Variants in MYBBP1A observed in about 807,000 individuals in gnomAD.
The protein encoded by MYBBP1A is myb-binding protein 1A.
In MYBBP1A, 147 loss-of-function variants were observed where a neutral mutation model predicts 136.3. The ratio of observed to expected loss-of-function variants is 1.08; its 90% CI spans 0.94 to 1.24. The LOEUF (loss-of-function observed/expected upper bound fraction) is 1.24, where lower values mean the gene tolerates loss of function less well. Among genes scored for constraint, MYBBP1A ranks in the 50% most tolerant of loss-of-function variants. The pLI is 0.00. For synonymous variants in MYBBP1A, 947 were observed against 735.8 expected, an observed-to-expected ratio of 1.29 and a Z score of -4.65; for missense variants, 2,060 against 1,727.4, an observed-to-expected ratio of 1.19 and a Z score of -3.41.
intron 17 of MYBBP1A, 30 bp downstream of exon 17, chr17:4,544,996 G>GCCCCCCCCCCCACCCCCCCC: frequency 1.4e-6 from 1 of 697,892 alleles, no homozygotes; most frequent in Non-Finnish European, 2.0e-6. Flanking sequence ...GCCCTCCCCG[G>GCCCCCCCCCCCACCCCCCCC]CCGCCCCCCC....
intron 25 of MYBBP1A, 81 bp downstream of exon 25, chr17:4,540,267 G>C (rs890475507): frequency 1.5e-5 from 22 of 1,486,494 alleles, no homozygotes; most frequent in Admixed American, 4.1e-5. Context: ...AGCAGCGTGT[G>C]TGCAGCGTGT....
In MYBBP1A at chr17:4,548,435, CGTT is replaced by C; in HGVS notation, c.1556+86_1556+88del. 6.2e-7 allele frequency: 1 copy of C among 1,608,240 alleles called. No individual in the cohort carries two copies. The highest frequency in any genetic ancestry group is 1.1e-5 in the South Asian group (1 of 90,828). Reference sequence around the variant, plus strand: ...CTACTAGAACTCCGGGGGCCTCTGCCGTTGTTCCCAGCTTAGGGGACCTGGAGG... The same window carrying C: ...CTACTAGAACTCCGGGGGCCTCTGCCGTTCCCAGCTTAGGGGACCTGGAGG... On this transcript the variant is annotated intron_variant, in intron 11 of 25. Transcript: ENST00000254718. This position sits in a 1 kb window ranked among gnomAD's most constrained non-coding sequence, Gnocchi z 4.2.
At chr17:4,553,482 G>A (rs1225628353) in intron 5 of MYBBP1A, among the ~76,000 whole-genome samples, 3 of 152,228 alleles carry the variant, frequency 2.0e-5, no homozygotes, top group Admixed American at 2.0e-4. Context: ...CTGAAAGGTG[G>A]CTAATCTGAA....
intron 5 of MYBBP1A, 24 bp downstream of exon 5, chr17:4,553,786 C>G (rs749940930): frequency 5.7e-6 from 9 of 1,592,278 alleles, no homozygotes; most frequent in Non-Finnish European, 7.8e-6. Flanking sequence ...GTTGCCTGGG[C>G]CCGCACAGCT....
chr17:4,546,347 G>A (rs1907012716), intron 13 of MYBBP1A, among the ~76,000 whole-genome samples: 1 of 152,164 alleles, frequency 6.6e-6, no homozygotes, highest in Non-Finnish European at 1.5e-5. Context: ...TTGAACTCCT[G>A]ACCTCGTGAT....
chr17:4,540,338 C>A lies in MYBBP1A; in HGVS notation c.3434+10G>T. The A allele has an allele frequency of 6.2e-7, 1 of 1,600,204 alleles. No homozygotes were observed. Among genetic ancestry groups the A allele is most frequent in the South Asian group, 1.1e-5 (1 of 90,348 alleles). ...CTACCCAAGGTGTGTGTCCCCCTCCCAGAACCTACTGGACTCCCAGGGTTT... is the reference window on the plus strand; with the variant it reads ...CTACCCAAGGTGTGTGTCCCCCTCCAAGAACCTACTGGACTCCCAGGGTTT... On this transcript the variant is annotated intron_variant, in intron 25 of 25. Coordinates refer to ENST00000254718, the MANE Select transcript of MYBBP1A (RefSeq NM_014520.4).
At chr17:4,551,174 A>T (rs564114872) in intron 8 of MYBBP1A, among the ~76,000 whole-genome samples, 2 of 152,254 alleles carry the variant, frequency 1.3e-5, no homozygotes, top group East Asian at 3.9e-4. Context: ...TGATACTTCA[A>T]GTCTCCCCCT....
Position 4,548,206 on chromosome 17 carries a change from T to A in MYBBP1A, c.1661A>T (p.Asn554Ile). Reference sequence around the variant, plus strand: ...CACGGTGGTCACGTTGTGGCTGTGATTCAACAGGAGGTCTGCGAACTGCAC... The same window carrying A: ...CACGGTGGTCACGTTGTGGCTGTGAATCAACAGGAGGTCTGCGAACTGCAC... ...HLVQFADLLLNHSHNVTTVTP... is the reference protein window; with the variant it reads ...HLVQFADLLLIHSHNVTTVTP... The change falls in exon 12 of 26, where the codon AAT becomes ATT. Residue 554 changes from asparagine to isoleucine, a missense_variant. Coordinates refer to ENST00000254718, the MANE Select transcript of MYBBP1A (RefSeq NM_014520.4). This position sits in a 1 kb window ranked among gnomAD's most constrained non-coding sequence, Gnocchi z 4.2. The A allele has an allele frequency of 1.2e-6, 2 of 1,608,664 alleles. No homozygotes were observed. Among genetic ancestry groups the A allele is most frequent in the Non-Finnish European group, 1.7e-6 (2 of 1,179,956 alleles).
At position 4,544,509 on chromosome 17, in the gene MYBBP1A, G is replaced by A. The variant is rs369286566; in HGVS notation, c.2619C>T (p.His873=). The change falls in exon 19 of 26, where the codon CAC becomes CAT. Residue 873 remains histidine (H), a synonymous_variant. Coordinates refer to ENST00000254718, the MANE Select transcript of MYBBP1A (RefSeq NM_014520.4). The stretch of plus-strand genomic sequence containing the variant: ...CTCACGTGAAGATGCGCGCCGTCTT[G>A]TGCAGAAGGTCCTGCTCCTGTTTGG... The part of the protein sequence containing the change: ...SSSKQEQDLL[H]KTARIFTHHL... 3.0e-4 allele frequency: 473 copies of A among 1,552,268 alleles called. 2 individuals carry two copies. The highest frequency in any genetic ancestry group is 1.4e-3 in the South Asian group (117 of 84,234).
rs777438698 is a variant in MYBBP1A, at chr17:4,543,090, C to T, written c.2715G>A (p.Glu905=). Residue 905 remains glutamate (E), a synonymous_variant, in exon 20 of 26, where the codon GAG becomes GAA. Coordinates refer to ENST00000254718, the MANE Select transcript of MYBBP1A (RefSeq NM_014520.4). ...ERAGALHAQV[E]RLVQQAGRQP... The stretch of plus-strand genomic sequence containing the variant: ...GGCGGCCAGCCTGCTGCACCAACCG[C>T]TCCACCTGGGCGTGCAGGGCCCCTG... 3.1e-6 allele frequency: 5 copies of T among 1,613,198 alleles called. No homozygotes were observed. The highest frequency in any genetic ancestry group is 2.2e-5 in the South Asian group (2 of 91,072).
In MYBBP1A at chr17:4,550,174, C is replaced by A. The variant is rs1372079870; in HGVS notation, c.1203G>T (p.Pro401=). 1.2e-6 allele frequency: 2 copies of A among 1,613,908 alleles called. No individual in the cohort carries two copies. Among genetic ancestry groups the A allele is most frequent in the Admixed American group, 1.7e-5 (1 of 60,026 alleles). Residue 401 remains proline (P), a synonymous_variant, in exon 9 of 26, where the codon CCG becomes CCT. Coordinates refer to ENST00000254718, the MANE Select transcript of MYBBP1A (RefSeq NM_014520.4). ...GCCAGGCCACATAGCCCTGCAGGGC[C>A]GGAGGGCTCAGGAACCGCACGACCC... ...FWRVVRFLSP[P]ALQGYVAWLR... is the part of the protein sequence containing the mutation.
chr17:4,555,244 G>T lies in MYBBP1A; in HGVS notation c.81C>A (p.Gly27=), dbSNP rs749989153. The change falls in exon 1 of 26, where the codon GGC becomes GGA. Residue 27 remains glycine (G), a synonymous_variant. Transcript: ENST00000254718. ...QSGARPADRY[G]LLKHSREFLD... The stretch of plus-strand genomic sequence containing the variant: ...AGAACTCGCGACTGTGCTTCAATAG[G>T]CCATAGCGGTCGGCAGGCCGGGCGC... 20 of 1,612,270 alleles carry T rather than the reference G, an allele frequency of 1.2e-5. No homozygotes were observed. The highest frequency in any genetic ancestry group is 1.7e-5 in the Non-Finnish European group (20 of 1,179,728).
Position 4,551,822 on chromosome 17 carries a change from A to C in MYBBP1A, c.1023+58T>G, listed in dbSNP as rs1023824735. 3 of 1,504,962 alleles carry C rather than the reference A, an allele frequency of 2.0e-6. No individual in the cohort carries two copies. The East Asian group carries it at 6.8e-5, about 34-fold the overall frequency. The allele number at this position is 1,504,962 out of a possible 1,614,324, so 93.2% of individuals were successfully genotyped here. On this transcript the variant is annotated intron_variant, in intron 8 of 25. Transcript: ENST00000254718. ...GAGGTGCCCTGCTCCCCTTTTTGGC[A>C]GGGAGAGCTCCACGTCTAGCCTTTC...
Position 4,555,380 on chromosome 17 carries a change from A to G in MYBBP1A, c.-56T>C, listed in dbSNP as rs1597392637. ...GTGTGCTCCGGCCCCAGCCGCTTCC[A>G]GGTCAGGGCACGGCGCATGCGCACC... On this transcript the variant is annotated 5_prime_UTR_variant, in exon 1 of 26. Transcript: ENST00000254718. The G allele has an allele frequency of 6.5e-7, 1 of 1,548,026 alleles. No individual in the cohort carries two copies. The highest frequency in any genetic ancestry group is 2.4e-5 in the East Asian group (1 of 41,294).
rs1301538809 is a variant in MYBBP1A, at chr17:4,548,784, G to A, written c.1431-135C>T. 12 of 1,267,582 alleles carry A rather than the reference G, an allele frequency of 9.5e-6. No individual in the cohort carries two copies. Among genetic ancestry groups the A allele is most frequent in the East Asian group, 2.4e-5 (1 of 40,878 alleles). The allele number at this position is 1,267,582 out of a possible 1,614,324, so 78.5% of individuals were successfully genotyped here. ...CCCTTCTGCCCTGGGTACAGTCCTC[G>A]GGGGCCTGACGGGCAAGGCTGGAGG... On this transcript the variant is annotated intron_variant, in intron 10 of 25. Transcript: ENST00000254718. The surrounding 1 kb of genome is among the most constrained non-coding windows in gnomAD (Gnocchi z 4.2).
In MYBBP1A at chr17:4,541,583, G is replaced by A. The variant is rs1432690073; in HGVS notation, c.3196-19C>T. On this transcript the variant is annotated intron_variant, in intron 23 of 25. Transcript: ENST00000254718. ...GCAAGTTCTAGGGAAGGGTGGCCAG[G>A]CTGAGGCACTCCGGAGAGCTGCTCA... 2.5e-6 allele frequency: 4 copies of A among 1,607,388 alleles called. No homozygotes were observed. Among genetic ancestry groups the A allele is most frequent in the South Asian group, 2.2e-5 (2 of 91,030 alleles).
chr17:4,544,107 G>C (rs1293520364), intron 19 of MYBBP1A, among the ~76,000 whole-genome samples: 1 of 152,084 alleles, frequency 6.6e-6, no homozygotes, highest in Admixed American at 6.5e-5. Flanking sequence ...CGAGGACTGG[G>C]TTGGGTGTCC....
In MYBBP1A at chr17:4,540,414, GC is replaced by G. The variant is rs754447532; in HGVS notation, c.3367del (p.Ala1123HisfsTer17). The G allele has an allele frequency of 3.7e-6, 6 of 1,610,826 alleles. No individual in the cohort carries two copies. Among genetic ancestry groups the G allele is most frequent in the Non-Finnish European group, 4.2e-6 (5 of 1,179,788 alleles). Reference sequence around the variant, plus strand: ...CAGGCGGCTGGAGCCGGTGGAGTGTGCCCCCTGCTGTAGGCTCTGCTGTTGC... The same window carrying G: ...CAGGCGGCTGGAGCCGGTGGAGTGTGCCCCTGCTGTAGGCTCTGCTGTTGC... ...QGQQQSLQQGAHSTGSSRLHD... is the reference protein window; with the variant it reads ...QGQQQSLQQGXHSTGSSRLHD... On this transcript the variant is annotated frameshift_variant, in exon 25 of 26. Transcript: ENST00000254718. LOFTEE classifies it high-confidence loss of function.
At chr17:4,540,205 TGC>T in intron 25 of MYBBP1A, 141 bp downstream of exon 25, 1 of 1,278,414 alleles carries the variant, frequency 7.8e-7, no homozygotes, top group Non-Finnish European at 1.1e-6. Flanking sequence ...CATCTGAGAA[TGC>T]GCTTGAGTGC....
Sources: allele counts gnomAD v4.1 joint callset (sites outside exome capture counted in the v4.1 genomes callset), GRCh38; gene constraint gnomAD v4.1.1; non-coding constraint Gnocchi (gnomAD v3.1); transcripts MANE v1.5; gene names NCBI Gene and HGNC (gene_info 2026-07-23, HGNC 2026-07-21).